The following CFAP54 variants were observed in gnomAD, a reference collection of about 807,000 sequenced individuals.
CFAP54 encodes the protein cilia and flagella associated protein 54, also known as cilia- and flagella-associated protein 54.
In CFAP54, 290 loss-of-function variants were observed where a neutral mutation model predicts 370.4. That is an observed-to-expected ratio of 0.78 (90% confidence interval 0.71 to 0.86). The LOEUF (loss-of-function observed/expected upper bound fraction) is 0.86. Among genes scored for constraint, CFAP54 ranks in the 40% least tolerant of loss-of-function variants. The pLI is 0.00. For missense variants in CFAP54, 3,399 were observed against 3,528.7 expected, an observed-to-expected ratio of 0.96 and a Z score of 0.93; for synonymous variants, 1,206 against 1,236.5, an observed-to-expected ratio of 0.98 and a Z score of 0.52.
At position 96,665,241 on chromosome 12, in the gene CFAP54, AAAAAT is replaced by A. The variant is rs1957066734; in HGVS notation, c.5563+1310_5563+1314del. ...GACCTTTGTTGGATGCATAGTTTGGAAAAATTGTCTCCCACCATAGGGAGATATGT... is the reference window on the plus strand; with the variant it reads ...GACCTTTGTTGGATGCATAGTTTGGATGTCTCCCACCATAGGGAGATATGT... On this transcript the variant is annotated intron_variant, in intron 39 of 67. Transcript: ENST00000524981. 5.9e-5 allele frequency among the ~76,000 whole-genome samples: 9 copies of A among 152,140 alleles called. No homozygotes were observed. The South Asian group carries it at 1.9e-3, about 32-fold the overall frequency.
chr12:96,640,348 A>C (rs866827082), intron 32 of CFAP54, among the ~76,000 whole-genome samples: 103 of 152,222 alleles, frequency 6.8e-4, no homozygotes, highest in African/African-American at 2.3e-3. Flanking sequence ...GAATAAAATA[A>C]CTAGGAATCC....
intron 1 of CFAP54, among the ~76,000 whole-genome samples, chr12:96,499,096 G>A (rs1954992656): frequency 6.6e-6 from 1 of 152,078 alleles, no homozygotes; most frequent in African/African-American, 2.4e-5. Flanking sequence ...CTCCTCCTGA[G>A]TAGCAGGGAC....
Position 96,649,964 on chromosome 12 carries a change from T to C in CFAP54, c.4764T>C (p.Tyr1588=). The C allele has an allele frequency of 2.5e-6, 4 of 1,612,992 alleles. No homozygotes were observed. Among genetic ancestry groups the C allele is most frequent in the Non-Finnish European group, 3.4e-6 (4 of 1,179,076 alleles). The change falls in exon 35 of 68, where the codon TAT becomes TAC. Residue 1588 remains tyrosine, a synonymous_variant. Coordinates refer to ENST00000524981, the MANE Select transcript of CFAP54 (RefSeq NM_001306084.2). The part of the protein sequence containing the change: ...DENMSKTQTV[Y]DSDSQSGSSA... ...ATATGTCCAAGACACAAACAGTTTA[T>C]GACTCAGACTCTCAATCAGGTTCTA... is the stretch of plus-strand genomic sequence containing the variant.
chr12:96,611,671 C>T (rs1956360007), intron 26 of CFAP54, among the ~76,000 whole-genome samples: 1 of 152,102 alleles, frequency 6.6e-6, no homozygotes, highest in African/African-American at 2.4e-5. Context: ...ACTAGAATAA[C>T]CAGTGTAGAG....
At chr12:96,768,861 G>A (rs1172420149) in intron 60 of CFAP54, among the ~76,000 whole-genome samples, 2 of 152,130 alleles carry the variant, frequency 1.3e-5, no homozygotes, top group Non-Finnish European at 2.9e-5. Context: ...TATGGGGCAG[G>A]TGTAAATTGA....
Position 96,658,435 on chromosome 12 carries a change from C to T in CFAP54, c.5460+89C>T. 3 of 1,428,940 alleles carry T rather than the reference C, an allele frequency of 2.1e-6. No homozygotes were observed. In the South Asian group the frequency reaches 3.8e-5, roughly 18 times the overall value. 88.5% of individuals were successfully genotyped at this position (1,428,940 alleles called of 1,614,324 possible). A position where few individuals can be genotyped will look rare whatever the true frequency, so the allele number is the denominator to read the frequency against. The stretch of plus-strand genomic sequence containing the variant: ...ACAAAGATTTAGAAGTCAGATAAAT[C>T]TTATTATTTCTGCTTTAGTATTTCC... On this transcript the variant is annotated intron_variant, in intron 38 of 67. Coordinates refer to ENST00000524981, the MANE Select transcript of CFAP54 (RefSeq NM_001306084.2).
At chr12:96,788,210 T>C (rs1406356267) in intron 62 of CFAP54, among the ~76,000 whole-genome samples, 1 of 152,182 alleles carries the variant, frequency 6.6e-6, no homozygotes, top group Admixed American at 6.5e-5. Context: ...AGGAAATGAC[T>C]AGAGCCTCTT....
At chr12:96,504,168 C>G in intron 3 of CFAP54, 139 bp downstream of exon 3, 1 of 748,604 alleles carries the variant, frequency 1.3e-6, no homozygotes, top group Non-Finnish European at 1.9e-6. Flanking sequence ...TAAATACTTT[C>G]AGTGCTGGAT....
intron 45 of CFAP54, among the ~76,000 whole-genome samples, chr12:96,696,701 G>A: frequency 6.6e-6 from 1 of 152,138 alleles, no homozygotes; most frequent in East Asian, 1.9e-4. Flanking sequence ...AGCAGTGCCA[G>A]GAGTAGAGTA....
intron 38 of CFAP54, among the ~76,000 whole-genome samples, chr12:96,659,019 GA>G (rs1300382814): frequency 1.3e-5 from 2 of 151,724 alleles, no homozygotes; most frequent in Non-Finnish European, 2.9e-5. Context: ...GACACCAGCT[GA>G]GTGTCTTTCT....
Position 96,624,022 on chromosome 12 carries a change from A to G in CFAP54, c.3886+141A>G, listed in dbSNP as rs1378441653. ...ACAGTGCTTTTATATCATTAATCCT[A>G]ACAATACCCTGTTAATAAGGGATTG... On this transcript the variant is annotated intron_variant, in intron 28 of 67. Transcript: ENST00000524981. 3 of 573,156 alleles carry G rather than the reference A, an allele frequency of 5.2e-6. No homozygotes were observed. In the South Asian group the frequency reaches 7.3e-5, roughly 14 times the overall value. The allele number at this position is 573,156 out of a possible 1,614,324, so 35.5% of individuals were successfully genotyped here. A position where few individuals can be genotyped will look rare whatever the true frequency, so the allele number is the denominator to read the frequency against.
chr12:96,718,248 A>T (rs527450976), intron 48 of CFAP54, among the ~76,000 whole-genome samples, 195 bp from the exon 49 acceptor site: 11 of 152,046 alleles, frequency 7.2e-5, no homozygotes, highest in African/African-American at 2.7e-4. Flanking sequence ...AGTCCCAGCT[A>T]CTCGGGAGGC....
intron 67 of CFAP54, among the ~76,000 whole-genome samples, chr12:96,862,901 G>A (rs1437078782): frequency 1.3e-5 from 2 of 152,116 alleles, no homozygotes; most frequent in East Asian, 3.9e-4. Flanking sequence ...TAGTTATCAA[G>A]GTCAAGAAAG....
intron 47 of CFAP54, among the ~76,000 whole-genome samples, chr12:96,705,880 A>C (rs1957541589): frequency 6.6e-6 from 1 of 152,186 alleles, no homozygotes; most frequent in Non-Finnish European, 1.5e-5. Context: ...GTAGAGAGAA[A>C]AGACAAGAGA....
chr12:96,541,044 T>C, intron 14 of CFAP54, 57 bp downstream of exon 14: 5 of 1,159,304 alleles, frequency 4.3e-6, no homozygotes, highest in East Asian at 2.9e-5. Context: ...ATAGGTATGA[T>C]ATCAAATGCA....
rs768329073 is a variant in CFAP54 at position 96,718,443 on chromosome 12, A to G, written c.6725A>G (p.Glu2242Gly). The G allele has an allele frequency of 1.4e-6, 2 of 1,458,874 alleles. No individual in the cohort carries two copies. The highest frequency in any genetic ancestry group is 9.6e-7 in the Non-Finnish European group (1 of 1,040,748). The allele number at this position is 1,458,874 out of a possible 1,614,324, so 90.4% of individuals were successfully genotyped here. ...KSKPNLPNLE[E>G]IYSKDDGSSF... is the part of the protein sequence containing the mutation. ...CTTCCAAAATTTTGTGTCTTTATAG[A>G]GATATATTCAAAGGATGATGGAAGT... Residue 2242 changes from glutamate (E) to glycine (G), a missense_variant and splice_region_variant, in exon 49 of 68, where the codon GAG becomes GGG. Physicochemically the swap from Glu to Gly is moderately conservative, Grantham distance 98. Around this residue, in one of 3 missense-constraint regions of CFAP54, gnomAD observed 2,796 missense variants for 2,869.7 expected, o/e 0.97. Coordinates refer to ENST00000524981, the MANE Select transcript of CFAP54 (RefSeq NM_001306084.2).
chr12:96,686,574 A>G (rs1295483161), intron 42 of CFAP54, among the ~76,000 whole-genome samples: 1 of 152,120 alleles, frequency 6.6e-6, no homozygotes, highest in Non-Finnish European at 1.5e-5. Flanking sequence ...CGCATCTCAC[A>G]TGGCAAGAAT....
intron 15 of CFAP54, among the ~76,000 whole-genome samples, chr12:96,552,526 G>A (rs1015750911): frequency 2.6e-5 from 4 of 151,916 alleles, no homozygotes; most frequent in Non-Finnish European, 1.5e-5. Flanking sequence ...GTATTTTTTG[G>A]TAGGGACACG....
intron 4 of CFAP54, among the ~76,000 whole-genome samples, chr12:96,509,200 A>G (rs1266790183): frequency 6.6e-6 from 1 of 152,188 alleles, no homozygotes; most frequent in Admixed American, 6.5e-5. Context: ...CAAAGCCAGA[A>G]GGGGATAGAG....
Sources: allele counts gnomAD v4.1 joint callset (sites outside exome capture counted in the v4.1 genomes callset), GRCh38; gene constraint gnomAD v4.1.1; regional missense constraint gnomAD v4.1.1; transcripts MANE v1.5; gene names NCBI Gene and HGNC (gene_info 2026-07-23, HGNC 2026-07-21).